Variants in AGBL4 observed in about 807,000 individuals in gnomAD.
AGBL4 encodes the protein cytosolic carboxypeptidase 6.
AGBL4 carries 58 observed loss-of-function variants against 66.4 expected under a neutral mutation model. That is an observed-to-expected ratio of 0.87 (90% CI 0.71 to 1.09). AGBL4 has a LOEUF of 1.09. Among genes scored for constraint, AGBL4 ranks in the 50% least tolerant of loss-of-function variants. The pLI is 0.00. For synonymous variants in AGBL4, 234 were observed against 222.9 expected (o/e 1.05, Z -0.44); for missense variants, 579 against 631.0 (o/e 0.92, Z 0.88).
intron 6 of AGBL4, among the ~76,000 whole-genome samples, chr1:48,768,624 A>G (rs1315809472): frequency 6.6e-6 from 1 of 152,182 alleles, no homozygotes; most frequent in African/African-American, 2.4e-5. Flanking sequence ...TTAAAATGGG[A>G]GAAATTTTGT....
chr1:49,101,943 G>A (rs753686108), intron 4 of AGBL4, among the ~76,000 whole-genome samples: 2 of 152,128 alleles, frequency 1.3e-5, no homozygotes, highest in African/African-American at 4.8e-5. Context: ...TGTCAAAGGA[G>A]AGACTATCTG....
At chr1:49,120,910 C>G (rs371492618) in intron 4 of AGBL4, among the ~76,000 whole-genome samples, 2 of 151,298 alleles carry the variant, frequency 1.3e-5, no homozygotes, top group African/African-American at 4.9e-5. Context: ...ATTTCTTTTT[C>G]CTCTTTTTCC....
At chr1:49,695,964 C>T (rs1300347154) in intron 3 of AGBL4, among the ~76,000 whole-genome samples, 3 of 152,030 alleles carry the variant, frequency 2.0e-5, no homozygotes, top group Non-Finnish European at 4.4e-5. Flanking sequence ...GTCTGACACA[C>T]AAGTCAAGTT....
intron 4 of AGBL4, among the ~76,000 whole-genome samples, chr1:49,102,374 C>T (rs1645218324): frequency 6.6e-6 from 1 of 152,132 alleles, no homozygotes; most frequent in Non-Finnish European, 1.5e-5. Flanking sequence ...AGTTATGGCA[C>T]AGGACCAAGT....
chr1:48,661,272 T>C (rs914301205), intron 7 of AGBL4, among the ~76,000 whole-genome samples: 3 of 152,156 alleles, frequency 2.0e-5, no homozygotes, highest in Non-Finnish European at 4.4e-5. Flanking sequence ...GTGGGGGCAC[T>C]CACAATGAGC....
intron 1 of AGBL4, among the ~76,000 whole-genome samples, chr1:49,887,218 G>GTA (rs1472669753): frequency 6.7e-6 from 1 of 149,104 alleles, no homozygotes; most frequent in African/African-American, 2.5e-5. Context: ...TACATTGTGT[G>GTA]TATATATATA....
At chr1:49,382,385 T>C (rs941372997) in intron 3 of AGBL4, among the ~76,000 whole-genome samples, 1 of 151,774 alleles carries the variant, frequency 6.6e-6, no homozygotes, top group African/African-American at 2.4e-5. Context: ...ATACACCATA[T>C]TGAAAAAATG....
At chr1:49,081,831 A>G (rs1644813948) in intron 4 of AGBL4, among the ~76,000 whole-genome samples, 1 of 152,230 alleles carries the variant, frequency 6.6e-6, no homozygotes, top group South Asian at 2.1e-4. Flanking sequence ...GACCCAAGAC[A>G]GGGTCAGAGG....
chr1:49,031,790 C>T lies in AGBL4; in HGVS notation c.594+13794G>A, dbSNP rs190378362. ...CCCATCTGACATCATACAATCCTTA[C>T]GCATAGAGCAGTATATAAGACAGAT... On this transcript the variant is annotated intron_variant, in intron 5 of 13. Transcript: ENST00000371839. Among the ~76,000 whole-genome samples the T allele has an allele frequency of 1.1e-4, 17 of 152,154 alleles. No homozygotes were observed. In the South Asian group the frequency reaches 1.9e-3, roughly 17 times the overall value.
chr1:48,631,376 A>G (rs1645589851), intron 9 of AGBL4, among the ~76,000 whole-genome samples: 1 of 152,160 alleles, frequency 6.6e-6, no homozygotes, highest in African/African-American at 2.4e-5. Context: ...GCACTGTGCT[A>G]GGTGTTTTTG....
chr1:49,102,379 C>A lies in AGBL4; in HGVS notation c.378-56579G>T, dbSNP rs944151713. Among the ~76,000 whole-genome samples, 7 of 152,188 alleles carry A rather than the reference C, an allele frequency of 4.6e-5. No individual in the cohort carries two copies. The East Asian group carries it at 7.7e-4, about 17-fold the overall frequency. The stretch of plus-strand genomic sequence containing the variant: ...GGGGTGGTTTAGTTATGGCACAGGA[C>A]CAAGTTTACTGGTTTGAAATAAAAG... On this transcript the variant is annotated intron_variant, in intron 4 of 13. Coordinates refer to ENST00000371839, the MANE Select transcript of AGBL4 (RefSeq NM_032785.4).
chr1:49,117,548 C>T (rs1645553223), intron 4 of AGBL4, among the ~76,000 whole-genome samples: 1 of 152,120 alleles, frequency 6.6e-6, no homozygotes, highest in Non-Finnish European at 1.5e-5. Context: ...GGTGTTATTT[C>T]TGAGGCCTCT....
rs1341099001 is a variant in AGBL4 at position 50,013,142 on chromosome 1, G to GA, written c.34+10620dup. On this transcript the variant is annotated intron_variant, in intron 1 of 13. Coordinates refer to ENST00000371839, the MANE Select transcript of AGBL4 (RefSeq NM_032785.4). ...CAAAATGTAAAATCTTCCAGAAATA[G>GA]AAAAGCTCTAATCAGTACAACACAA... is the stretch of plus-strand genomic sequence containing the variant. Among the ~76,000 whole-genome samples, 12 of 152,230 alleles carry GA rather than the reference G, an allele frequency of 7.9e-5. No homozygotes were observed. In the South Asian group the frequency reaches 1.9e-3, roughly 24 times the overall value.
At chr1:49,735,524 A>T (rs1187994985) in intron 2 of AGBL4, among the ~76,000 whole-genome samples, 1 of 151,910 alleles carries the variant, frequency 6.6e-6, no homozygotes, top group Non-Finnish European at 1.5e-5. Context: ...TCAAACTCTT[A>T]TATCAAAAAA....
chr1:49,319,752 G>A (rs1248370062), intron 3 of AGBL4, among the ~76,000 whole-genome samples: 1 of 152,086 alleles, frequency 6.6e-6, no homozygotes, highest in African/African-American at 2.4e-5. Flanking sequence ...TCCAGCCAGG[G>A]CCTTCCTGCT....
At chr1:48,547,640 T>C (rs887007171) in intron 11 of AGBL4, among the ~76,000 whole-genome samples, 4 of 152,172 alleles carry the variant, frequency 2.6e-5, no homozygotes, top group African/African-American at 7.2e-5. Flanking sequence ...TTTCAGCTCT[T>C]TGGGATTATT....
chr1:48,950,902 T>A (rs1656923468), intron 5 of AGBL4, among the ~76,000 whole-genome samples: 1 of 152,184 alleles, frequency 6.6e-6, no homozygotes, highest in Non-Finnish European at 1.5e-5. Context: ...TATTTTCAGT[T>A]CCTCTAATTA....
chr1:48,698,874 G>C (rs1646756379), intron 6 of AGBL4, among the ~76,000 whole-genome samples: 1 of 152,232 alleles, frequency 6.6e-6, no homozygotes, highest in Non-Finnish European at 1.5e-5. Context: ...AAAAAAATAG[G>C]AAGGAGAGCA....
chr1:49,121,218 A>AG (rs1370062657), intron 4 of AGBL4, among the ~76,000 whole-genome samples: 1 of 152,204 alleles, frequency 6.6e-6, no homozygotes, highest in Non-Finnish European at 1.5e-5. Context: ...TCAACTCATC[A>AG]AAGTCATTCT....
Sources: gnomAD v4.1 joint callset for allele counts (sites outside exome capture counted in the v4.1 genomes callset) on GRCh38, gnomAD v4.1.1 for gene constraint, MANE v1.5 for transcripts, NCBI Gene and HGNC (gene_info 2026-07-23, HGNC 2026-07-21) for gene names.